Variants in FMNL2 observed in about 807,000 individuals in gnomAD.
The protein encoded by FMNL2 is formin like 2.
FMNL2 carries 51 observed loss-of-function variants against 130.2 expected under a neutral mutation model. The observed-to-expected ratio is 0.39, with a 90% confidence interval of 0.31 to 0.49. The LOEUF is 0.49. Ranked by LOEUF, FMNL2 falls within the 20% of genes least tolerant of loss-of-function variation. The probability of loss-of-function intolerance (pLI) is 0.85; values close to 1 mark genes in which losing one functional copy is unlikely to be tolerated. For missense variants in FMNL2, 977 were observed against 1,316.2 expected (o/e 0.74, Z 3.99); for synonymous variants, 465 against 467.1 (o/e 1.00, Z 0.06).
At chr2:152,560,798 T>G in intron 5 of FMNL2, 85 bp from the exon 6 acceptor site, 1 of 1,308,690 alleles carries the variant, frequency 7.6e-7, no homozygotes, top group South Asian at 1.6e-5. Context: ...GCAGATGTCT[T>G]GTAGGAACAG....
intron 1 of FMNL2, among the ~76,000 whole-genome samples, chr2:152,402,550 A>C (rs901843533): frequency 6.6e-6 from 1 of 152,234 alleles, no homozygotes; most frequent in African/African-American, 2.4e-5. Context: ...TGGTCCACGA[A>C]GACAGGAGAG....
At chr2:152,346,165 C>T (rs1682110342) in intron 1 of FMNL2, among the ~76,000 whole-genome samples, 1 of 152,100 alleles carries the variant, frequency 6.6e-6, no homozygotes, top group Non-Finnish European at 1.5e-5. Flanking sequence ...GCTGGGATTA[C>T]AGGTGCATGC....
intron 1 of FMNL2, among the ~76,000 whole-genome samples, chr2:152,436,242 T>G (rs556177866): frequency 6.6e-6 from 1 of 152,208 alleles, no homozygotes; most frequent in South Asian, 2.1e-4. Flanking sequence ...CTTGGCTCAC[T>G]GCAGCCTCCA....
chr2:152,643,874 C>G (rs1433935235), intron 25 of FMNL2: 4 of 985,192 alleles, frequency 4.1e-6, no homozygotes, highest in Non-Finnish European at 4.8e-6. Context: ...GATTTTTGAG[C>G]TAATGTCCTT....
intron 1 of FMNL2, among the ~76,000 whole-genome samples, chr2:152,337,434 TGTG>T (rs975839466): frequency 5.3e-5 from 8 of 151,212 alleles, no homozygotes; most frequent in Non-Finnish European, 1.2e-4. Context: ...TCTGAATACT[TGTG>T]GTGGAGGAGC....
intron 1 of FMNL2, among the ~76,000 whole-genome samples, chr2:152,353,883 G>T (rs1682644582): frequency 1.6e-5 from 2 of 121,228 alleles, no homozygotes; most frequent in Non-Finnish European, 3.4e-5. Flanking sequence ...AACCTCAAAT[G>T]TGAAGAACAA....
chr2:152,553,821 C>T (rs1695066366), intron 4 of FMNL2, among the ~76,000 whole-genome samples: 1 of 151,770 alleles, frequency 6.6e-6, no homozygotes, highest in Admixed American at 6.6e-5. Flanking sequence ...AAATTGGTGA[C>T]AAAGGCTGCA....
In FMNL2 at chr2:152,639,986, A is replaced by G; in HGVS notation, c.2975A>G (p.Lys992Arg). The change falls in exon 24 of 26, where the codon AAA (lysine) becomes AGA (arginine). Residue 992 changes from lysine (K) to arginine (R), a missense_variant. By Grantham distance (26) the Lys-to-Arg change is conservative (BLOSUM62 2). Coordinates refer to ENST00000288670, the MANE Select transcript of FMNL2 (RefSeq NM_052905.4). ...KQAEEENELRKKQEQALMEKL... is the reference protein window; with the variant it reads ...KQAEEENELRRKQEQALMEKL... ...GCAGAAGAGGAAAATGAGCTGAGGA[A>G]AAAGCAGGAACAAGCTCTCATGGAA... 6.4e-7 allele frequency: 1 copy of G among 1,558,986 alleles called. No individual in the cohort carries two copies. Among genetic ancestry groups the G allele is most frequent in the Non-Finnish European group, 8.7e-7 (1 of 1,151,792 alleles).
At chr2:152,642,161 C>T (rs898083237) in intron 25 of FMNL2, among the ~76,000 whole-genome samples, 3 of 152,116 alleles carry the variant, frequency 2.0e-5, no homozygotes, top group East Asian at 3.9e-4. Flanking sequence ...AGGATGGTCT[C>T]GATCTCCTGA....
intron 1 of FMNL2, among the ~76,000 whole-genome samples, chr2:152,496,667 G>A (rs1691533094): frequency 6.6e-6 from 1 of 152,146 alleles, no homozygotes; most frequent in Admixed American, 6.5e-5. Flanking sequence ...TTCTGTGAGG[G>A]TGAGCTATTC....
chr2:152,619,552 G>GCCCCCCCCCCCCCCCCCCCCCCCCCCC lies in FMNL2; in HGVS notation c.1676_1677insCCCCCCCCCCCCCCCCCCCCCCCCCCC (p.Pro565_Pro573dup). 1 of 1,417,704 alleles carries GCCCCCCCCCCCCCCCCCCCCCCCCCCC rather than the reference G, an allele frequency of 7.1e-7. No individual in the cohort carries two copies. The highest frequency in any genetic ancestry group is 1.3e-5 in the South Asian group (1 of 79,024). 87.8% of individuals were successfully genotyped at this position (1,417,704 alleles called of 1,614,324 possible). A position where few individuals can be genotyped will look rare whatever the true frequency, so the allele number is the denominator to read the frequency against. ...CACCACCTATGCCACCGCCGCCGCC[G>GCCCCCCCCCCCCCCCCCCCCCCCCCCC]CCCCCTCCTCCACCTCCTCCTCCCC... On this transcript the variant is annotated inframe_insertion, in exon 15 of 26. Coordinates refer to ENST00000288670, the MANE Select transcript of FMNL2 (RefSeq NM_052905.4).
In FMNL2 at chr2:152,375,877, C is replaced by CTCTCTCTCTATATATA. The variant is rs796954245; in HGVS notation, c.117+40158_117+40159insCTCTCTCTATATATAT. Among the ~76,000 whole-genome samples, 111 of 112,468 alleles carry CTCTCTCTCTATATATA rather than the reference C, an allele frequency of 9.9e-4. 3 individuals are homozygous for CTCTCTCTCTATATATA. In the East Asian group the frequency reaches 0.016, roughly 17 times the overall value. The allele number at this position is 112,468 out of a possible 152,430, so 73.8% of individuals were successfully genotyped here. On this transcript the variant is annotated intron_variant, in intron 1 of 25. Coordinates refer to ENST00000288670, the MANE Select transcript of FMNL2 (RefSeq NM_052905.4). ...TCTCTCTCTCTCTCTCTCTCTCTCT[C>CTCTCTCTCTATATATA]TATATATATATATATATATAATTAT...
At chr2:152,645,447 T>G (rs1167971422) in intron 25 of FMNL2, 5 of 1,289,532 alleles carry the variant, frequency 3.9e-6, no homozygotes, top group Non-Finnish European at 5.1e-6. Context: ...TAAAGAAGAA[T>G]AATATCACTA....
chr2:152,437,572 CT>C (rs987903358), intron 1 of FMNL2, among the ~76,000 whole-genome samples: 23 of 151,884 alleles, frequency 1.5e-4, no homozygotes, highest in Admixed American at 1.4e-3. Context: ...TTTAGTGCTG[CT>C]TTTTTTTGGA....
chr2:152,506,898 A>G (rs1480244215), intron 1 of FMNL2, among the ~76,000 whole-genome samples: 3 of 152,212 alleles, frequency 2.0e-5, no homozygotes, highest in Non-Finnish European at 2.9e-5. Context: ...GTGTGTAGCT[A>G]TGGGGCACTG....
At chr2:152,569,680 CAAA>C (rs35114358) in intron 6 of FMNL2, among the ~76,000 whole-genome samples, 74,391 of 104,020 alleles carry the variant, frequency 0.72, 24,733 homozygotes, top group East Asian at 0.79. Flanking sequence ...GACCCTGTCT[CAAA>C]AAAAAAAAAA....
At chr2:152,343,581 C>T (rs1361614731) in intron 1 of FMNL2, among the ~76,000 whole-genome samples, 1 of 152,172 alleles carries the variant, frequency 6.6e-6, no homozygotes, top group Non-Finnish European at 1.5e-5. Context: ...CAGGCATAAG[C>T]CACCACACCC....
At chr2:152,412,274 C>A (rs1686327797) in intron 1 of FMNL2, among the ~76,000 whole-genome samples, 1 of 151,118 alleles carries the variant, frequency 6.6e-6, no homozygotes, top group African/African-American at 2.4e-5. Flanking sequence ...ATGAGAGGCA[C>A]AGAAAGAATA....
chr2:152,563,717 C>T (rs1695658486), intron 6 of FMNL2, among the ~76,000 whole-genome samples: 1 of 152,094 alleles, frequency 6.6e-6, no homozygotes, highest in African/African-American at 2.4e-5. Flanking sequence ...TTAGCCATCT[C>T]ATTTCTGATT....
Sources: allele counts gnomAD v4.1 joint callset (sites outside exome capture counted in the v4.1 genomes callset), GRCh38; gene constraint gnomAD v4.1.1; transcripts MANE v1.5; gene names NCBI Gene and HGNC (gene_info 2026-07-23, HGNC 2026-07-21).